Variants in ALDH1A2 observed in about 807,000 individuals in gnomAD.
ALDH1A2 encodes retinal dehydrogenase 2.
A neutral mutation model predicts 60.3 loss-of-function variants in ALDH1A2; 27 were observed. The observed-to-expected ratio is 0.45, with a 90% CI of 0.33 to 0.62. ALDH1A2 has a LOEUF of 0.62. Ranked by LOEUF, ALDH1A2 falls within the 20% of genes least tolerant of loss-of-function variation. The pLI, the probability that ALDH1A2 is intolerant of heterozygous loss-of-function variation, is 0.02. For missense variants in ALDH1A2, 581 were observed against 643.8 expected (o/e 0.90, Z 1.06); for synonymous variants, 289 against 232.4 (o/e 1.24, Z -2.21).
At chr15:58,000,455 A>G (rs1263994729) in intron 4 of ALDH1A2, among the ~76,000 whole-genome samples, 1 of 151,918 alleles carries the variant, frequency 6.6e-6, no homozygotes, top group Non-Finnish European at 1.5e-5. Context: ...AATTTTTGCC[A>G]TTTCCAAGTA....
chr15:57,972,980 T>C (rs1038762127), intron 7 of ALDH1A2, among the ~76,000 whole-genome samples: 1 of 152,124 alleles, frequency 6.6e-6, no homozygotes, highest in Non-Finnish European at 1.5e-5. Context: ...AACATGACAT[T>C]TATCTCACTT....
chr15:58,039,743 A>G (rs1298030657), intron 1 of ALDH1A2, among the ~76,000 whole-genome samples: 1 of 151,822 alleles, frequency 6.6e-6, no homozygotes, highest in African/African-American at 2.4e-5. Context: ...GACTCACAAC[A>G]TTGATTATTA....
chr15:58,041,379 T>C (rs1896515017), intron 1 of ALDH1A2, among the ~76,000 whole-genome samples: 1 of 151,934 alleles, frequency 6.6e-6, no homozygotes, highest in Non-Finnish European at 1.5e-5. Context: ...ATGAGGAGCA[T>C]GATAACTTAA....
At chr15:58,045,472 T>C (rs1167168458) in intron 1 of ALDH1A2, among the ~76,000 whole-genome samples, 1 of 152,072 alleles carries the variant, frequency 6.6e-6, no homozygotes, top group Non-Finnish European at 1.5e-5. Flanking sequence ...CTATTCACAA[T>C]AGCAAAGACT....
chr15:57,965,166 T>A (rs1311587357), intron 8 of ALDH1A2, among the ~76,000 whole-genome samples: 2 of 152,068 alleles, frequency 1.3e-5, no homozygotes, highest in African/African-American at 4.8e-5. Flanking sequence ...CTCTGTAAGG[T>A]CCTACTGGCA....
At chr15:58,035,754 A>G (rs1277543643) in intron 1 of ALDH1A2, among the ~76,000 whole-genome samples, 1 of 151,662 alleles carries the variant, frequency 6.6e-6, no homozygotes, top group Non-Finnish European at 1.5e-5. Flanking sequence ...ATTCCACTGT[A>G]ATCTGAGAAT....
intron 7 of ALDH1A2, among the ~76,000 whole-genome samples, chr15:57,967,965 G>C: frequency 6.6e-6 from 1 of 152,124 alleles, no homozygotes; most frequent in Non-Finnish European, 1.5e-5. Flanking sequence ...ATTATGACTG[G>C]TAAGGGGGAA....
At chr15:58,034,083 A>G (rs909989835) in intron 1 of ALDH1A2, among the ~76,000 whole-genome samples, 4 of 151,722 alleles carry the variant, frequency 2.6e-5, no homozygotes, top group Admixed American at 6.6e-5. Context: ...TTGGGAAGAA[A>G]TGACATCTTA....
Position 58,001,034 on chromosome 15 carries a change from TAAA to T in ALDH1A2, c.494-5898_494-5896del, listed in dbSNP as rs10641902. ...TGTATTTTTAATACTTCAAAATTGT[TAAA>T]AAAAAAAAAAAAAAAAGAATGAAAA... On this transcript the variant is annotated intron_variant, in intron 4 of 12. Coordinates refer to ENST00000249750, the MANE Select transcript of ALDH1A2 (RefSeq NM_003888.4). 4.5e-3 allele frequency among the ~76,000 whole-genome samples: 566 copies of T among 126,226 alleles called. 2 individuals are homozygous for T. The highest frequency in any genetic ancestry group is 0.015 in the African/African-American group (506 of 34,694). 82.8% of individuals were successfully genotyped at this position (126,226 alleles called of 152,430 possible). A position where few individuals can be genotyped will look rare whatever the true frequency, so the allele number is the denominator to read the frequency against.
chr15:57,992,873 A>C, intron 6 of ALDH1A2, 55 bp from the exon 7 acceptor site: 1 of 1,613,806 alleles, frequency 6.2e-7, no homozygotes, highest in Non-Finnish European at 8.5e-7. Flanking sequence ...GCATCATGTT[A>C]AATGAGATAT....
At position 57,981,626 on chromosome 15, in the gene ALDH1A2, GC is replaced by G. The variant is rs1483003257; in HGVS notation, c.798+11078del. ...CATGAAATAACAGACTAAACAATTC[GC>G]CAAAAGTCACACAGCAGGAAAGCTG... On this transcript the variant is annotated intron_variant, in intron 7 of 12. Transcript: ENST00000249750. 2.6e-5 allele frequency among the ~76,000 whole-genome samples: 4 copies of G among 152,018 alleles called. No homozygotes were observed. In the South Asian group the frequency reaches 6.2e-4, roughly 24 times the overall value.
chr15:58,010,888 T>C (rs758612960), intron 3 of ALDH1A2, 110 bp from the exon 4 acceptor site: 46 of 1,349,166 alleles, frequency 3.4e-5, no homozygotes, highest in Non-Finnish European at 2.7e-5. Context: ...GCATATGGAG[T>C]TGCATACCTG....
intron 1 of ALDH1A2, among the ~76,000 whole-genome samples, chr15:58,020,458 G>A (rs1243488099): frequency 6.6e-6 from 1 of 152,092 alleles, no homozygotes; most frequent in Non-Finnish European, 1.5e-5. Context: ...AGAACGAGGA[G>A]AATATGTGAG....
chr15:57,999,870 A>G (rs1313815834), intron 4 of ALDH1A2, among the ~76,000 whole-genome samples: 1 of 152,114 alleles, frequency 6.6e-6, no homozygotes, highest in Non-Finnish European at 1.5e-5. Flanking sequence ...ACATCAAGGA[A>G]TACTATGCAG....
Position 58,036,027 on chromosome 15 carries a change from T to A in ALDH1A2, c.118-21746A>T, listed in dbSNP as rs945162113. Reference sequence around the variant, plus strand: ...AATTAATCAATACATTAAAAAATAATGTATGCAAGGATAGCTCTTACTACT... The same window carrying A: ...AATTAATCAATACATTAAAAAATAAAGTATGCAAGGATAGCTCTTACTACT... On this transcript the variant is annotated intron_variant, in intron 1 of 12. Transcript: ENST00000249750. Among the ~76,000 whole-genome samples the A allele has an allele frequency of 2.0e-5, 3 of 151,830 alleles. No individual in the cohort carries two copies. The East Asian group carries it at 5.8e-4, about 29-fold the overall frequency.
At chr15:58,010,324 C>T (rs1333624387) in intron 4 of ALDH1A2, among the ~76,000 whole-genome samples, 1 of 152,096 alleles carries the variant, frequency 6.6e-6, no homozygotes, top group East Asian at 1.9e-4. Context: ...TCCATGACTT[C>T]CCTCCACCCA....
rs572715353 is a variant in ALDH1A2 at position 57,973,393 on chromosome 15, T to C, written c.799-7566A>G. ...AAAGCAGCCACCTCAAATAAGCTTCTTCTTGTTAACTGTTCCAGACACTTT... is the reference window on the plus strand; with the variant it reads ...AAAGCAGCCACCTCAAATAAGCTTCCTCTTGTTAACTGTTCCAGACACTTT... On this transcript the variant is annotated intron_variant, in intron 7 of 12. Transcript: ENST00000249750. Among the ~76,000 whole-genome samples the C allele has an allele frequency of 1.4e-4, 22 of 152,324 alleles. No individual in the cohort carries two copies. In the South Asian group the frequency reaches 4.4e-3, roughly 30 times the overall value.
intron 1 of ALDH1A2, among the ~76,000 whole-genome samples, chr15:58,029,780 A>C (rs934040085): frequency 5.9e-5 from 9 of 152,202 alleles, no homozygotes; most frequent in African/African-American, 2.2e-4. Context: ...ATAAACTAGA[A>C]AATCTAGAAG....
chr15:57,983,725 A>T (rs34111921), intron 7 of ALDH1A2, among the ~76,000 whole-genome samples: 1 of 152,210 alleles, frequency 6.6e-6, no homozygotes, highest in Admixed American at 6.5e-5. Flanking sequence ...CCATGCTCCC[A>T]TAACACACCA....
Sources: allele counts gnomAD v4.1 joint callset (sites outside exome capture counted in the v4.1 genomes callset), GRCh38; gene constraint gnomAD v4.1.1; transcripts MANE v1.5; gene names NCBI Gene and HGNC (gene_info 2026-07-23, HGNC 2026-07-21).